Variants in DYSF observed in about 807,000 individuals in gnomAD.
DYSF encodes the protein dysferlin.
DYSF carries 212 observed loss-of-function variants against 274.9 expected under a neutral mutation model. The observed-to-expected ratio is 0.77, with a 90% CI of 0.69 to 0.86. The LOEUF (loss-of-function observed/expected upper bound fraction) is 0.86. Ranked by LOEUF, DYSF falls within the 40% of genes least tolerant of loss-of-function variation. DYSF has a pLI of 0.00. For missense variants in DYSF, 2,666 were observed against 2,783.2 expected (o/e 0.96, Z 0.95); for synonymous variants, 1,091 against 1,078.7 (o/e 1.01, Z -0.22).
rs537682123 is a variant in DYSF, at chr2:71,595,621, G to A, written c.3575-2943G>A. Among the ~76,000 whole-genome samples the A allele has an allele frequency of 2.2e-4, 33 of 152,324 alleles. No homozygotes were observed. In the South Asian group the frequency reaches 6.4e-3, roughly 30 times the overall value. On this transcript the variant is annotated intron_variant, in intron 32 of 55. Coordinates refer to ENST00000410020, the MANE Select transcript of DYSF (RefSeq NM_001130987.2). The stretch of plus-strand genomic sequence containing the variant: ...CCGAACAGCCTGGTGCAGGGCTCTG[G>A]ATCCAGCTAAGGAATCGTCTGCCTG...
At chr2:71,526,001 T>A (rs927611560) in intron 12 of DYSF, among the ~76,000 whole-genome samples, 1 of 152,226 alleles carries the variant, frequency 6.6e-6, no homozygotes, top group Non-Finnish European at 1.5e-5. Flanking sequence ...CCTCGCACAG[T>A]CCTGGAAGGT....
rs747513056 is a variant in DYSF, at chr2:71,516,995, G to T, written c.958G>T (p.Asp320Tyr). The change falls in exon 10 of 56, where the codon GAC (aspartate) becomes TAC (tyrosine). Residue 320 changes from aspartate (D) to tyrosine (Y), a missense_variant. By Grantham distance (160) the Asp-to-Tyr change is radical. Transcript: ENST00000410020. ...FDEPIFITVVDSRSLRTDALL... is the reference protein window; with the variant it reads ...FDEPIFITVVYSRSLRTDALL... ...CCATGATCTTTCTCTGCAGGTGGTA[G>T]ACTCTCGTTCTCTCAGGACAGATGC... 6.2e-7 allele frequency: 1 copy of T among 1,614,182 alleles called. No homozygotes were observed. Among genetic ancestry groups the T allele is most frequent in the Non-Finnish European group, 8.5e-7 (1 of 1,180,028 alleles).
At position 71,535,249 on chromosome 2, in the gene DYSF, G is replaced by A. The variant is rs763729603; in HGVS notation, c.1450-19G>A. 2.0e-5 allele frequency: 33 copies of A among 1,613,424 alleles called. No individual in the cohort carries two copies. Among genetic ancestry groups the A allele is most frequent in the Middle Eastern group, 1.6e-4 (1 of 6,082 alleles). On this transcript the variant is annotated intron_variant, in intron 15 of 55. Transcript: ENST00000410020. ...TTCAAAAGGACTCTTCTCCCAACAC[G>A]CCTCTATTCCTTCCTCAGTTTCCCT...
chr2:71,569,767 A>C (rs1375496630), intron 26 of DYSF, 53 bp from the exon 27 acceptor site: 1 of 1,498,762 alleles, frequency 6.7e-7, no homozygotes, highest in East Asian at 2.3e-5. Flanking sequence ...TGGTAGATGG[A>C]TGGGGGCCTC....
At chr2:71,543,566 G>A (rs1314564593) in intron 17 of DYSF, among the ~76,000 whole-genome samples, 2 of 152,212 alleles carry the variant, frequency 1.3e-5, no homozygotes, top group Non-Finnish European at 2.9e-5. Flanking sequence ...CTCCAGCCTG[G>A]GCAACATTGA....
At chr2:71,477,954 A>G (rs1206430444) in intron 1 of DYSF, among the ~76,000 whole-genome samples, 1 of 152,032 alleles carries the variant, frequency 6.6e-6, no homozygotes, top group African/African-American at 2.4e-5. Context: ...TTGAATGCTG[A>G]GGTATTAATA....
At chr2:71,543,936 GGGAGAGGGAGAC>G (rs1465275456) in intron 17 of DYSF, among the ~76,000 whole-genome samples, 1 of 147,258 alleles carries the variant, frequency 6.8e-6, no homozygotes, top group African/African-American at 2.5e-5. Flanking sequence ...GAGAGGGAGA[GGGAGAGGGAGAC>G]GGAGAGGGAG....
At chr2:71,460,027 C>T (rs1169894664) in intron 1 of DYSF, among the ~76,000 whole-genome samples, 3 of 152,202 alleles carry the variant, frequency 2.0e-5, no homozygotes, top group Non-Finnish European at 4.4e-5. Context: ...GAGCTGCCCT[C>T]ACCTGAAGCC....
rs569287731 is a variant in DYSF, at chr2:71,560,645, G to A, written c.2217-1107G>A. ...AATAACAGGAAAAATGTAGTGCGCCGAGGGCCTGCCAGAGCGGTGTATCTG... is the reference window on the plus strand; with the variant it reads ...AATAACAGGAAAAATGTAGTGCGCCAAGGGCCTGCCAGAGCGGTGTATCTG... On this transcript the variant is annotated intron_variant, in intron 22 of 55. Transcript: ENST00000410020. Among the ~76,000 whole-genome samples the A allele has an allele frequency of 2.0e-5, 3 of 152,366 alleles. No homozygotes were observed. The South Asian group carries it at 6.2e-4, about 32-fold the overall frequency.
At chr2:71,624,026 A>C (rs1478227730) in intron 41 of DYSF, among the ~76,000 whole-genome samples, 1 of 152,132 alleles carries the variant, frequency 6.6e-6, no homozygotes, top group Non-Finnish European at 1.5e-5. Flanking sequence ...CCGTGATAGC[A>C]TCACTGCACT....
chr2:71,535,502 G>T (rs1017730169), intron 16 of DYSF, among the ~76,000 whole-genome samples, 191 bp downstream of exon 16: 1 of 152,070 alleles, frequency 6.6e-6, no homozygotes, highest in Admixed American at 6.5e-5. Flanking sequence ...ACACCTGCTT[G>T]TTGGGAGGTA....
intron 41 of DYSF, among the ~76,000 whole-genome samples, chr2:71,643,369 A>G (rs1390188781): frequency 6.6e-6 from 1 of 152,202 alleles, no homozygotes; most frequent in Non-Finnish European, 1.5e-5. Context: ...CACATTTAGC[A>G]GTGTCTTTGG....
intron 41 of DYSF, among the ~76,000 whole-genome samples, chr2:71,622,696 A>G (rs1212654705): frequency 6.6e-6 from 1 of 152,106 alleles, no homozygotes; most frequent in African/African-American, 2.4e-5. Flanking sequence ...GCTCACTGCA[A>G]CCTCTGCCTC....
In DYSF at chr2:71,569,588, T is replaced by C. The variant is rs1231990811; in HGVS notation, c.2865-232T>C. Among the ~76,000 whole-genome samples, 3 of 152,146 alleles carry C rather than the reference T, an allele frequency of 2.0e-5. No individual in the cohort carries two copies. In the East Asian group the frequency reaches 5.8e-4, roughly 29 times the overall value. On this transcript the variant is annotated intron_variant, in intron 26 of 55. Coordinates refer to ENST00000410020, the MANE Select transcript of DYSF (RefSeq NM_001130987.2). Reference sequence around the variant, plus strand: ...TTGCTGTCTTCAGTTGGCCCCCTTTTCTCTTTATCTTGGGTGATGTGCTCT... The same window carrying C: ...TTGCTGTCTTCAGTTGGCCCCCTTTCCTCTTTATCTTGGGTGATGTGCTCT...
chr2:71,662,488 T>G (rs571530559), intron 45 of DYSF, among the ~76,000 whole-genome samples: 1 of 149,120 alleles, frequency 6.7e-6, no homozygotes, highest in Non-Finnish European at 1.5e-5. Flanking sequence ...GTGTATGTAT[T>G]TGTGTGTATG....
At position 71,570,267 on chromosome 2, in the gene DYSF, C is replaced by T; in HGVS notation, c.3018C>T (p.Cys1006=). The T allele has an allele frequency of 6.2e-7, 1 of 1,614,140 alleles. No individual in the cohort carries two copies. Among genetic ancestry groups the T allele is most frequent in the Non-Finnish European group, 8.5e-7 (1 of 1,180,010 alleles). The change falls in exon 28 of 56, where the codon TGC becomes TGT. Residue 1006 remains cysteine (C), a synonymous_variant. Transcript: ENST00000410020. ...EKVLPKDDIE[C]PLGWKWEDEE... ...TGCTTCCCAAGGATGACATTGAGTGCCCACTGGGCTGGAAGTGGGAAGATG... is the reference window on the plus strand; with the variant it reads ...TGCTTCCCAAGGATGACATTGAGTGTCCACTGGGCTGGAAGTGGGAAGATG...
Position 71,569,804 on chromosome 2 carries a change from C to A in DYSF, c.2865-16C>A. The A allele has an allele frequency of 6.2e-7, 1 of 1,609,136 alleles. No individual in the cohort carries two copies. The highest frequency in any genetic ancestry group is 1.7e-5 in the Admixed American group (1 of 59,864). The stretch of plus-strand genomic sequence containing the variant: ...CCAGCAGAGCAGCAGAGACTCTGAC[C>A]AGCCCTCCTCCACAGTCTGCTCCAT... On this transcript the variant is annotated splice_polypyrimidine_tract_variant and intron_variant, in intron 26 of 55. Coordinates refer to ENST00000410020, the MANE Select transcript of DYSF (RefSeq NM_001130987.2).
intron 40 of DYSF, among the ~76,000 whole-genome samples, chr2:71,619,842 T>C (rs1350721245): frequency 6.6e-6 from 1 of 152,154 alleles, no homozygotes; most frequent in Non-Finnish European, 1.5e-5. Context: ...TCTTCCTGCC[T>C]TCAGCCCTGA....
chr2:71,598,890 C>A, intron 33 of DYSF, 145 bp downstream of exon 33: 1 of 955,776 alleles, frequency 1.0e-6, no homozygotes, highest in Non-Finnish European at 1.6e-6. Context: ...ATTTTAGAGT[C>A]ATTAAAAATG....
Sources: gnomAD v4.1 joint callset for allele counts (sites outside exome capture counted in the v4.1 genomes callset) on GRCh38, gnomAD v4.1.1 for gene constraint, MANE v1.5 for transcripts, NCBI Gene and HGNC (gene_info 2026-07-23, HGNC 2026-07-21) for gene names.